The following VANGL2 variants were observed in gnomAD, a reference collection of about 807,000 sequenced individuals.
VANGL2 encodes the protein VANGL planar cell polarity protein 2, also known as vang-like protein 2.
In VANGL2, 14 loss-of-function variants were observed where a neutral mutation model predicts 50.2. The ratio of observed to expected loss-of-function variants is 0.28; its 90% CI spans 0.18 to 0.44. The LOEUF (loss-of-function observed/expected upper bound fraction) is 0.44. Among genes scored for constraint, VANGL2 ranks in the 20% least tolerant of loss-of-function variants. The probability of loss-of-function intolerance (pLI) is 1.00; values close to 1 mark genes in which losing one functional copy is unlikely to be tolerated. For synonymous variants in VANGL2, 295 were observed against 297.2 expected (o/e 0.99, Z 0.08); for missense variants, 533 against 701.5 (o/e 0.76, Z 2.71).
intron 6 of VANGL2, among the ~76,000 whole-genome samples, chr1:160,421,916 T>C (rs2101969542): frequency 6.6e-6 from 1 of 152,358 alleles, no homozygotes; most frequent in East Asian, 1.9e-4. Flanking sequence ...AATGACGTTT[T>C]ATTGCCTATA....
At chr1:160,405,342 A>G (rs1279452829) in intron 1 of VANGL2, among the ~76,000 whole-genome samples, 1 of 151,990 alleles carries the variant, frequency 6.6e-6, no homozygotes, top group Admixed American at 6.5e-5. Flanking sequence ...TCTCTTGGTG[A>G]TGTGGCTTGG....
rs746031069 is a variant in VANGL2, at chr1:160,419,122, C to A, written c.313C>A (p.Arg105Ser). 3 of 1,614,226 alleles carry A rather than the reference C, an allele frequency of 1.9e-6. No homozygotes were observed. The highest frequency in any genetic ancestry group is 1.6e-4 in the Middle Eastern group (1 of 6,062). Residue 105 changes from arginine (R) to serine (S), a missense_variant, in exon 4 of 8, where the codon CGT (arginine) becomes AGT (serine). Arg to Ser is a moderately radical substitution (Grantham distance 110, BLOSUM62 -1). Coordinates refer to ENST00000368061, the MANE Select transcript of VANGL2 (RefSeq NM_020335.3). The surrounding 1 kb of genome is among the most constrained non-coding windows in gnomAD (Gnocchi z 5.8). ...GGACAGTGTCCCTCTGGACTGCTCC[C>A]GTCACCTGGGTGTGGCAGCGGGGGC... is the stretch of plus-strand genomic sequence containing the variant. ...MEDSVPLDCS[R>S]HLGVAAGATL...
In VANGL2 at chr1:160,425,338, A is replaced by C; in HGVS notation, c.1526A>C (p.His509Pro). The change falls in exon 8 of 8, where the codon CAC (histidine) becomes CCC (proline). Residue 509 changes from histidine (H) to proline (P), a missense_variant. Coordinates refer to ENST00000368061, the MANE Select transcript of VANGL2 (RefSeq NM_020335.3). ...LSEEFVDPKS[H>P]KFVMRLQSET... Reference sequence around the variant, plus strand: ...GAGGAATTTGTGGATCCCAAGTCACACAAGTTTGTCATGAGGCTGCAGTCT... The same window carrying C: ...GAGGAATTTGTGGATCCCAAGTCACCCAAGTTTGTCATGAGGCTGCAGTCT... The C allele has an allele frequency of 6.3e-7, 1 of 1,596,586 alleles. No individual in the cohort carries two copies. Among genetic ancestry groups the C allele is most frequent in the Non-Finnish European group, 8.5e-7 (1 of 1,170,560 alleles).
In VANGL2 at chr1:160,424,220, C is replaced by T. The variant is rs140848403; in HGVS notation, c.1242C>T (p.Tyr414=). 8,220 of 1,614,212 alleles carry T rather than the reference C, an allele frequency of 5.1e-3. 21 individuals are homozygous for T. The highest frequency in any genetic ancestry group is 6.2e-3 in the Non-Finnish European group (7,374 of 1,180,050). ...KYLRTTKQQP[Y]HTMESILQHL... Reference sequence around the variant, plus strand: ...TTCGGACCACCAAGCAGCAGCCCTACCACACCATGGAGAGCATCCTGCAGC... The same window carrying T: ...TTCGGACCACCAAGCAGCAGCCCTATCACACCATGGAGAGCATCCTGCAGC... Residue 414 remains tyrosine, a synonymous_variant, in exon 7 of 8, where the codon TAC becomes TAT. Transcript: ENST00000368061.
chr1:160,404,106 G>A (rs1461220847), intron 1 of VANGL2, among the ~76,000 whole-genome samples: 1 of 152,222 alleles, frequency 6.6e-6, no homozygotes, highest in Admixed American at 6.5e-5. Context: ...ATCATTAAGG[G>A]AGAGAGGTCG....
rs1015869086 is a variant in VANGL2 at position 160,400,596 on chromosome 1, C to A, written c.-464C>A. 4 of 147,322 alleles carry A rather than the reference C, an allele frequency of 2.7e-5. No homozygotes were observed. The East Asian group carries it at 8.7e-4, about 32-fold the overall frequency. 9.1% of individuals were successfully genotyped at this position (147,322 alleles called of 1,614,324 possible). Reference sequence around the variant, plus strand: ...GCCGGCTCCCGATCTGATTCCTGATCCTTGATTCCTTGATCCTTGGTCCCG... The same window carrying A: ...GCCGGCTCCCGATCTGATTCCTGATACTTGATTCCTTGATCCTTGGTCCCG... On this transcript the variant is annotated 5_prime_UTR_variant, in exon 1 of 8. Coordinates refer to ENST00000368061, the MANE Select transcript of VANGL2 (RefSeq NM_020335.3).
chr1:160,408,126 G>A (rs376011395), intron 1 of VANGL2, among the ~76,000 whole-genome samples: 1 of 151,910 alleles, frequency 6.6e-6, no homozygotes, highest in African/African-American at 2.4e-5. Context: ...GCTTTTGTGT[G>A]CTGTGTTGGG....
chr1:160,419,650 C>T lies in VANGL2; in HGVS notation c.800+41C>T, dbSNP rs747050633. ...TGGAGAAGGGTTGGGAGGGAAAGGG[C>T]ATGGGAGGATGTGGAGTGACTGCTA... On this transcript the variant is annotated intron_variant, in intron 4 of 7. Transcript: ENST00000368061. This position sits in a 1 kb window ranked among gnomAD's most constrained non-coding sequence, Gnocchi z 5.8. The T allele has an allele frequency of 6.3e-7, 1 of 1,593,640 alleles. No homozygotes were observed. The highest frequency in any genetic ancestry group is 8.5e-7 in the Non-Finnish European group (1 of 1,178,102).
chr1:160,423,952 C>G, intron 6 of VANGL2, 100 bp from the exon 7 acceptor site: 1 of 1,355,948 alleles, frequency 7.4e-7, no homozygotes, highest in Non-Finnish European at 1.1e-6. Context: ...GCACAAAGGC[C>G]TGACCTCATT....
chr1:160,408,410 C>G (rs539400475), intron 1 of VANGL2, among the ~76,000 whole-genome samples: 70 of 152,158 alleles, frequency 4.6e-4, no homozygotes, highest in Non-Finnish European at 8.2e-4. Context: ...CTCTGGCTTC[C>G]CCAACTGCTT....
chr1:160,403,206 T>A (rs1024623903), intron 1 of VANGL2, among the ~76,000 whole-genome samples: 3 of 151,788 alleles, frequency 2.0e-5, no homozygotes, highest in African/African-American at 4.8e-5. Context: ...TAGTTAGGGC[T>A]CCCAGGGCTA....
intron 1 of VANGL2, among the ~76,000 whole-genome samples, chr1:160,411,497 C>T (rs1460246080): frequency 6.6e-6 from 1 of 151,794 alleles, no homozygotes; most frequent in Non-Finnish European, 1.5e-5. Context: ...CTTCTCTTTA[C>T]TCCCCTCTCC....
intron 1 of VANGL2, among the ~76,000 whole-genome samples, chr1:160,404,876 G>T (rs1650598745): frequency 6.6e-6 from 1 of 152,154 alleles, no homozygotes; most frequent in Non-Finnish European, 1.5e-5. Context: ...GAGCAAGAAG[G>T]CACACAGGGT....
In VANGL2 at chr1:160,424,199, G is replaced by A. The variant is rs1651371136; in HGVS notation, c.1221G>A (p.Arg407=). The change falls in exon 7 of 8, where the codon CGG becomes CGA. Residue 407 remains arginine, a synonymous_variant. Transcript: ENST00000368061. ...CCCGTGCCATGCAGAAGTACCTTCG[G>A]ACCACCAAGCAGCAGCCCTACCACA... ...SMARAMQKYL[R]TTKQQPYHTM... is the part of the protein sequence containing the mutation. 4 of 1,614,160 alleles carry A rather than the reference G, an allele frequency of 2.5e-6. No homozygotes were observed. In the East Asian group the frequency reaches 8.9e-5, roughly 36 times the overall value.
At chr1:160,418,915 G>A in intron 3 of VANGL2, 87 bp from the exon 4 acceptor site, 1 of 1,498,708 alleles carries the variant, frequency 6.7e-7, no homozygotes, top group Non-Finnish European at 9.0e-7. Flanking sequence ...TCTGTCTCCT[G>A]TCCCCTCACC....
intron 5 of VANGL2, 119 bp downstream of exon 5, chr1:160,420,666 C>A (rs369772949): frequency 1.4e-6 from 2 of 1,479,806 alleles, no homozygotes; most frequent in Non-Finnish European, 1.9e-6. Flanking sequence ...GTTCTAGCCG[C>A]TTCTATTCAG....
chr1:160,428,529 A>T lies in VANGL2; in HGVS notation c.*3151A>T, dbSNP rs1057406873. 6.6e-5 allele frequency: 10 copies of T among 152,264 alleles called. No individual in the cohort carries two copies. Among genetic ancestry groups the T allele is most frequent in the South Asian group, 2.1e-4 (1 of 4,810 alleles). 9.4% of individuals were successfully genotyped at this position (152,264 alleles called of 1,614,324 possible). The stretch of plus-strand genomic sequence containing the variant: ...GCATGTAGAAAATTGTAAAATGTAA[A>T]TTTTTTTTAATATATAAAAAGCTTG... On this transcript the variant is annotated 3_prime_UTR_variant, in exon 8 of 8. Coordinates refer to ENST00000368061, the MANE Select transcript of VANGL2 (RefSeq NM_020335.3).
chr1:160,419,303 C>T lies in VANGL2; in HGVS notation c.494C>T (p.Ala165Val), dbSNP rs1651175296. 6.2e-7 allele frequency: 1 copy of T among 1,608,582 alleles called. No individual in the cohort carries two copies. The highest frequency in any genetic ancestry group is 8.5e-7 in the Non-Finnish European group (1 of 1,180,002). Residue 165 changes from alanine to valine, a missense_variant, in exon 4 of 8, where the codon GCT becomes GTT. Physicochemically the swap from Ala to Val is moderately conservative, Grantham distance 64. Coordinates refer to ENST00000368061, the MANE Select transcript of VANGL2 (RefSeq NM_020335.3). The surrounding 1 kb of genome is among the most constrained non-coding windows in gnomAD (Gnocchi z 5.8). ...KLLILLLGSW[A>V]LFFRRPKASL... ...CTCATCCTGCTACTGGGCAGCTGGG[C>T]TCTGTTCTTCCGCCGGCCCAAGGCC...
In VANGL2 at chr1:160,415,794, A is replaced by G; in HGVS notation, c.-44A>G. On this transcript the variant is annotated 5_prime_UTR_variant, in exon 2 of 8. Coordinates refer to ENST00000368061, the MANE Select transcript of VANGL2 (RefSeq NM_020335.3). Reference sequence around the variant, plus strand: ...GCTGTGGGGCCCCCCAAGAGGCCCCAGCCTGCGGCCCTGGAGCGCTACAAG... The same window carrying G: ...GCTGTGGGGCCCCCCAAGAGGCCCCGGCCTGCGGCCCTGGAGCGCTACAAG... The G allele has an allele frequency of 1.9e-6, 3 of 1,596,166 alleles. No individual in the cohort carries two copies. The highest frequency in any genetic ancestry group is 2.6e-6 in the Non-Finnish European group (3 of 1,172,702).
Sources: allele counts gnomAD v4.1 joint callset (sites outside exome capture counted in the v4.1 genomes callset), GRCh38; gene constraint gnomAD v4.1.1; non-coding constraint Gnocchi (gnomAD v3.1); transcripts MANE v1.5; gene names NCBI Gene and HGNC (gene_info 2026-07-23, HGNC 2026-07-21).